The following COL4A1 variants were observed in gnomAD, a reference collection of about 807,000 sequenced individuals.
COL4A1 encodes the protein collagen type IV alpha 1 chain.
A neutral mutation model predicts 216.6 loss-of-function variants in COL4A1; 40 were observed. That is an observed-to-expected ratio of 0.18 (90% CI 0.14 to 0.24). COL4A1 has a LOEUF of 0.24. Ranked by LOEUF, COL4A1 falls within the 10% of genes least tolerant of loss-of-function variation. COL4A1 has a pLI of 1.00. For synonymous variants in COL4A1, 839 were observed against 810.7 expected (o/e 1.03, Z -0.59); for missense variants, 1,628 against 2,196.8 (o/e 0.74, Z 5.18).
intron 39 of COL4A1, among the ~76,000 whole-genome samples, 165 bp downstream of exon 39, chr13:110,174,281 A>C (rs1187406356): frequency 6.6e-6 from 1 of 152,150 alleles, no homozygotes. Context: ...AAGACCTCAG[A>C]AAGATCCTGT....
chr13:110,172,087 G>A (rs1294889817), intron 41 of COL4A1, among the ~76,000 whole-genome samples: 2 of 152,244 alleles, frequency 1.3e-5, no homozygotes, highest in African/African-American at 4.8e-5. Context: ...TCCTCCCACT[G>A]AGTGGGATCA....
rs145648423 is a variant in COL4A1, at chr13:110,279,708, C to T, written c.84+27236G>A. On this transcript the variant is annotated intron_variant, in intron 1 of 51. Transcript: ENST00000375820. ...ATTTGCTTCAGGTAGTTTTTCCCTC[C>T]CCAAGACTTCATATTTTAAGTTTTG... Among the ~76,000 whole-genome samples the T allele has an allele frequency of 1.3e-4, 20 of 152,308 alleles. No homozygotes were observed. In the East Asian group the frequency reaches 3.9e-3, roughly 29 times the overall value.
At chr13:110,248,366 AGCTGGGC>A (rs1881926893) in intron 1 of COL4A1, among the ~76,000 whole-genome samples, 1 of 7,570 alleles carries the variant, frequency 1.3e-4, no homozygotes, top group African/African-American at 3.6e-4. Context: ...CCTCCGCTGT[AGCTGGGC>A]CCTGGCCCCT....
At chr13:110,291,027 G>C (rs1007458953) in intron 1 of COL4A1, among the ~76,000 whole-genome samples, 1 of 152,172 alleles carries the variant, frequency 6.6e-6, no homozygotes, top group African/African-American at 2.4e-5. Flanking sequence ...CGGGTGGGGG[G>C]CTGTCCTGAC....
At chr13:110,209,898 T>C (rs377134698) in intron 10 of COL4A1, 82 bp downstream of exon 10, 1 of 1,498,842 alleles carries the variant, frequency 6.7e-7, no homozygotes. Context: ...GTAAAGTTTT[T>C]ACTAAATTAT....
At chr13:110,241,505 G>A (rs1295566827) in intron 2 of COL4A1, among the ~76,000 whole-genome samples, 1 of 152,168 alleles carries the variant, frequency 6.6e-6, no homozygotes, top group Non-Finnish European at 1.5e-5. Flanking sequence ...AAATGTCTGT[G>A]GCATGAGAAA....
intron 2 of COL4A1, among the ~76,000 whole-genome samples, chr13:110,214,674 G>A (rs978467251): frequency 2.6e-5 from 4 of 152,154 alleles, no homozygotes; most frequent in African/African-American, 9.7e-5. Context: ...GGGTTCTCTG[G>A]CCTTCAGATT....
chr13:110,179,284 A>G lies in COL4A1; in HGVS notation c.2331T>C (p.Leu777=). The G allele has an allele frequency of 1.2e-6, 2 of 1,614,110 alleles. No individual in the cohort carries two copies. Among genetic ancestry groups the G allele is most frequent in the Non-Finnish European group, 1.7e-6 (2 of 1,180,034 alleles). ...GEHGAIGPPG[L]QGIRGEPGPP... is the part of the protein sequence containing the mutation. ...GCATGAAGTTACCTCTGATCCCCTGAAGCCCAGGGGGTCCGATCGCTCCAT... is the reference window on the plus strand; with the variant it reads ...GCATGAAGTTACCTCTGATCCCCTGGAGCCCAGGGGGTCCGATCGCTCCAT... Residue 777 remains leucine, a synonymous_variant, in exon 30 of 52, where the codon CTT becomes CTC. Transcript: ENST00000375820.
chr13:110,222,017 T>C (rs1880504725), intron 2 of COL4A1, among the ~76,000 whole-genome samples: 1 of 152,120 alleles, frequency 6.6e-6, no homozygotes, highest in South Asian at 2.1e-4. Context: ...GGCTCCGGGC[T>C]CCATCAACAA....
chr13:110,210,676 AG>A (rs1879751851), intron 8 of COL4A1, among the ~76,000 whole-genome samples: 1 of 152,392 alleles, frequency 6.6e-6, no homozygotes, highest in African/African-American at 2.4e-5. Context: ...GTTAAACACC[AG>A]ACCAGATGTT....
At chr13:110,184,041 C>T (rs1015409385) in intron 26 of COL4A1, among the ~76,000 whole-genome samples, 22 of 152,348 alleles carry the variant, frequency 1.4e-4, no homozygotes, top group African/African-American at 4.6e-4. Flanking sequence ...GCCAACTGAA[C>T]GACCCTAGGA....
chr13:110,243,762 A>C (rs1490493043), intron 1 of COL4A1, among the ~76,000 whole-genome samples: 1 of 152,238 alleles, frequency 6.6e-6, no homozygotes, highest in Non-Finnish European at 1.5e-5. Flanking sequence ...CATCTTATTT[A>C]ATGATCATAA....
intron 37 of COL4A1, 49 bp from the exon 38 acceptor site, chr13:110,174,798 G>A (rs755626966): frequency 1.3e-6 from 2 of 1,528,300 alleles, no homozygotes; most frequent in Admixed American, 1.7e-5. Flanking sequence ...CCATGGGCAT[G>A]CATCTGTAGG....
rs546564541 is a variant in COL4A1, at chr13:110,155,467, C to T, written c.4641-70G>A. The T allele has an allele frequency of 2.8e-4, 265 of 947,264 alleles. 1 individual carries two copies. In the African/African-American group the frequency reaches 3.6e-3, roughly 13 times the overall value. 58.7% of individuals were successfully genotyped at this position (947,264 alleles called of 1,614,324 possible). A position where few individuals can be genotyped will look rare whatever the true frequency, so the allele number is the denominator to read the frequency against. On this transcript the variant is annotated intron_variant, in intron 49 of 51. Transcript: ENST00000375820. ...AGAGGCCGCCCTCCATGCACTGCCC[C>T]GTTACCTACACTCAACATCCTCACT...
intron 1 of COL4A1, among the ~76,000 whole-genome samples, chr13:110,274,850 G>A (rs928412888): frequency 1.3e-5 from 2 of 152,208 alleles, no homozygotes; most frequent in Non-Finnish European, 2.9e-5. Context: ...CAGGCCCTAG[G>A]AGGGAAGCTG....
intron 20 of COL4A1, among the ~76,000 whole-genome samples, chr13:110,198,883 C>A (rs143804337): frequency 6.6e-6 from 1 of 152,272 alleles, no homozygotes; most frequent in East Asian, 1.9e-4. Flanking sequence ...CTGTGAATTT[C>A]TCTCAGTGCA....
intron 2 of COL4A1, among the ~76,000 whole-genome samples, chr13:110,214,577 A>G (rs1390480983): frequency 6.6e-6 from 1 of 152,096 alleles, no homozygotes; most frequent in Non-Finnish European, 1.5e-5. Flanking sequence ...TGAGGCCCGG[A>G]TAGAACAAAA....
intron 51 of COL4A1, 79 bp from the exon 52 acceptor site, chr13:110,150,523 A>T: frequency 7.0e-7 from 1 of 1,425,276 alleles, no homozygotes; most frequent in Non-Finnish European, 9.8e-7. Context: ...CCCTGCTCGG[A>T]AATCTCTAAG....
intron 1 of COL4A1, among the ~76,000 whole-genome samples, chr13:110,292,121 A>G (rs925347015): frequency 6.6e-6 from 1 of 152,194 alleles, no homozygotes; most frequent in Non-Finnish European, 1.5e-5. Flanking sequence ...TGAGAGCCAA[A>G]GCTTTGGAAG....
Sources: allele counts gnomAD v4.1 joint callset (sites outside exome capture counted in the v4.1 genomes callset), GRCh38; gene constraint gnomAD v4.1.1; transcripts MANE v1.5; gene names NCBI Gene and HGNC (gene_info 2026-07-23, HGNC 2026-07-21).